The following CELF4 variants were observed in gnomAD, a reference collection of about 807,000 sequenced individuals.
CELF4 encodes CUGBP Elav-like family member 4, also known as CUG-BP- and ETR-3-like factor 4.
CELF4 carries 18 observed loss-of-function variants against 59.9 expected under a neutral mutation model. That is an observed-to-expected ratio of 0.30 (90% CI 0.21 to 0.45). The LOEUF (loss-of-function observed/expected upper bound fraction) is 0.45. CELF4 is among the 20% of genes least tolerant of loss of function. The probability of loss-of-function intolerance (pLI) is 1.00; values close to 1 mark genes in which losing one functional copy is unlikely to be tolerated. For synonymous variants in CELF4, 261 were observed against 267.1 expected (o/e 0.98, Z 0.22); for missense variants, 456 against 689.0 (o/e 0.66, Z 3.79).
chr18:37,456,115 T>C (rs1038365900), intron 2 of CELF4, among the ~76,000 whole-genome samples: 1 of 152,210 alleles, frequency 6.6e-6, no homozygotes, highest in African/African-American at 2.4e-5. Context: ...TCGGTCCTGC[T>C]TCAGTGCTGG....
At position 37,243,633 on chromosome 18, in the gene CELF4, G is replaced by A. The variant is rs2061014972; in HGVS notation, c.*1609C>T. On this transcript the variant is annotated 3_prime_UTR_variant, in exon 13 of 13. Coordinates refer to ENST00000420428, the MANE Select transcript of CELF4 (RefSeq NM_020180.4). ...TACAATTAAAAGTCCTACAAAATAT[G>A]CAAATTTATTTACAGAAAAACAGAG... 6.6e-6 allele frequency: 1 copy of A among 152,040 alleles called. No homozygotes were observed. Among genetic ancestry groups the A allele is most frequent in the African/African-American group, 2.4e-5 (1 of 41,382 alleles). 9.4% of individuals were successfully genotyped at this position (152,040 alleles called of 1,614,324 possible).
At chr18:37,366,921 G>C (rs1472742327) in intron 2 of CELF4, among the ~76,000 whole-genome samples, 6 of 152,126 alleles carry the variant, frequency 3.9e-5, no homozygotes, top group Non-Finnish European at 8.8e-5. Flanking sequence ...CTCCTCTTCT[G>C]GGTGGCCCCT....
At chr18:37,425,008 G>A (rs2099603048) in intron 2 of CELF4, among the ~76,000 whole-genome samples, 1 of 152,182 alleles carries the variant, frequency 6.6e-6, no homozygotes, top group Non-Finnish European at 1.5e-5. Flanking sequence ...TGGTCCCCAA[G>A]GCAGGTTCTT....
intron 2 of CELF4, among the ~76,000 whole-genome samples, chr18:37,391,890 C>T (rs1419824419): frequency 1.3e-5 from 2 of 152,230 alleles, no homozygotes; most frequent in Non-Finnish European, 2.9e-5. Flanking sequence ...AGGCAGTCGG[C>T]ACCAGGCGTT....
chr18:37,283,150 C>T (rs1313133189), intron 3 of CELF4, among the ~76,000 whole-genome samples: 6 of 151,828 alleles, frequency 4.0e-5, no homozygotes, highest in Non-Finnish European at 7.4e-5. Context: ...CTGGAGTCCC[C>T]GTCACTTGCA....
intron 1 of CELF4, among the ~76,000 whole-genome samples, chr18:37,489,947 G>A (rs1442785547): frequency 1.3e-5 from 2 of 152,092 alleles, no homozygotes; most frequent in Admixed American, 6.5e-5. Context: ...ACATACACTC[G>A]TGCTCACAGT....
chr18:37,468,162 G>C (rs1365073379), intron 2 of CELF4, among the ~76,000 whole-genome samples: 1 of 152,216 alleles, frequency 6.6e-6, no homozygotes, highest in East Asian at 1.9e-4. Context: ...TAAGTGACTC[G>C]GGCTGTCAGG....
At chr18:37,440,851 C>T (rs1489819358) in intron 2 of CELF4, among the ~76,000 whole-genome samples, 1 of 152,166 alleles carries the variant, frequency 6.6e-6, no homozygotes, top group Non-Finnish European at 1.5e-5. Flanking sequence ...CTTGGACAAA[C>T]TACAGACCCT....
chr18:37,308,511 C>T (rs1379978497), intron 3 of CELF4, among the ~76,000 whole-genome samples: 2 of 152,174 alleles, frequency 1.3e-5, no homozygotes, highest in African/African-American at 2.4e-5. Flanking sequence ...GGATGCTCAG[C>T]ATGCTGCCGG....
intron 12 of CELF4, among the ~76,000 whole-genome samples, chr18:37,252,475 C>G (rs2154270563): frequency 6.6e-6 from 1 of 151,996 alleles, no homozygotes. Flanking sequence ...TCTCCCATTT[C>G]AGAGAAGAGA....
chr18:37,496,116 T>C (rs1457743024), intron 1 of CELF4, among the ~76,000 whole-genome samples: 1 of 152,162 alleles, frequency 6.6e-6, no homozygotes. Flanking sequence ...CCTCCAACCC[T>C]TTGAACCGTG....
At chr18:37,271,008 T>C in intron 7 of CELF4, 91 bp from the exon 8 acceptor site, 1 of 1,170,654 alleles carries the variant, frequency 8.5e-7, no homozygotes, top group Non-Finnish European at 1.2e-6. Context: ...CACTCAACTG[T>C]TTCCAAGGAC....
At chr18:37,501,525 A>C (rs1033340615) in intron 1 of CELF4, among the ~76,000 whole-genome samples, 3 of 152,212 alleles carry the variant, frequency 2.0e-5, no homozygotes, top group African/African-American at 7.2e-5. Context: ...AAGAAAGACC[A>C]CCTGACCTCA....
chr18:37,287,205 G>A (rs1167604951), intron 3 of CELF4, among the ~76,000 whole-genome samples: 6 of 152,142 alleles, frequency 3.9e-5, no homozygotes, highest in African/African-American at 1.4e-4. Flanking sequence ...AAGCTTCTCA[G>A]GTGATACCAA....
intron 1 of CELF4, among the ~76,000 whole-genome samples, chr18:37,519,839 T>C (rs2099955196): frequency 6.6e-6 from 1 of 152,210 alleles, no homozygotes; most frequent in Non-Finnish European, 1.5e-5. Context: ...GCCAGGACTT[T>C]CCTGATTCCT....
intron 2 of CELF4, among the ~76,000 whole-genome samples, chr18:37,412,358 A>G (rs1275508269): frequency 6.6e-5 from 10 of 152,234 alleles, no homozygotes; most frequent in Admixed American, 6.5e-4. Flanking sequence ...TCCAGGGGGC[A>G]GAGACAGCAT....
At position 37,478,039 on chromosome 18, in the gene CELF4, G is replaced by A. The variant is rs576401360; in HGVS notation, c.369+7486C>T. Among the ~76,000 whole-genome samples the A allele has an allele frequency of 1.8e-3, 281 of 152,318 alleles. 3 individuals are homozygous for A. Among genetic ancestry groups the A allele is most frequent in the Non-Finnish European group, 3.5e-3 (235 of 68,038 alleles). On this transcript the variant is annotated intron_variant, in intron 2 of 12. Transcript: ENST00000420428. ...TCAGGGAGAGACATATCTGACCCAC[G>A]CTTTATTATACTTGTCACCAATGGC...
intron 2 of CELF4, among the ~76,000 whole-genome samples, chr18:37,379,224 A>G (rs1012510228): frequency 6.6e-6 from 1 of 152,164 alleles, no homozygotes; most frequent in Non-Finnish European, 1.5e-5. Context: ...GAGCAGGGAT[A>G]AACAGTAAAC....
chr18:37,456,098 C>A (rs1165242739), intron 2 of CELF4, among the ~76,000 whole-genome samples: 2 of 152,176 alleles, frequency 1.3e-5, no homozygotes, highest in African/African-American at 4.8e-5. Context: ...GAGGGAACCC[C>A]AGAGCCTCGG....
Sources: gnomAD v4.1 joint callset for allele counts (sites outside exome capture counted in the v4.1 genomes callset) on GRCh38, gnomAD v4.1.1 for gene constraint, MANE v1.5 for transcripts, NCBI Gene and HGNC (gene_info 2026-07-23, HGNC 2026-07-21) for gene names.